The following MRAP2 variants were observed in gnomAD, a reference collection of about 807,000 sequenced individuals.
The protein encoded by MRAP2 is melanocortin 2 receptor accessory protein 2, also known as melanocortin-2 receptor accessory protein 2.
Under a neutral mutation model 17.4 loss-of-function variants are expected in MRAP2, and 20 were observed. The observed-to-expected ratio is 1.15, with a 90% CI of 0.81 to 1.67. The LOEUF is 1.67. Ranked by LOEUF, MRAP2 falls within the 40% of genes most tolerant of loss-of-function variation. The pLI is 0.00. For synonymous variants in MRAP2, 96 were observed against 88.4 expected, an observed-to-expected ratio of 1.09 and a Z score of -0.48; for missense variants, 238 against 240.0, an observed-to-expected ratio of 0.99 and a Z score of 0.05.
intron 3 of MRAP2, among the ~76,000 whole-genome samples, chr6:84,068,576 A>T (rs1283265870): frequency 6.6e-6 from 1 of 151,700 alleles, no homozygotes; most frequent in Non-Finnish European, 1.5e-5. Flanking sequence ...AGTGTTTTGT[A>T]GTTTTCCTTG....
intron 3 of MRAP2, among the ~76,000 whole-genome samples, chr6:84,073,147 G>T (rs1384545566): frequency 2.0e-5 from 3 of 152,160 alleles, no homozygotes; most frequent in African/African-American, 7.2e-5. Context: ...CCTTCTCCCT[G>T]TGGTGTTTCT....
At chr6:84,094,331 A>G (rs73750506), downstream of MRAP2, among the ~76,000 whole-genome samples, 26,366 of 152,104 alleles carry the variant, frequency 0.17, 2,346 homozygotes, top group Middle Eastern at 0.27. Flanking sequence ...TTTTTGCAAT[A>G]TAATTGGCTG....
At chr6:84,111,216 T>C in the MRAP2 span, among the ~76,000 whole-genome samples, 1 of 152,204 alleles carries the variant, frequency 6.6e-6, no homozygotes, top group African/African-American at 2.4e-5. Flanking sequence ...TTTAATGACA[T>C]TGATTTCTTC....
intron 1 of MRAP2, among the ~76,000 whole-genome samples, chr6:84,045,850 T>C (rs1326691646): frequency 6.6e-6 from 1 of 152,138 alleles, no homozygotes; most frequent in Non-Finnish European, 1.5e-5. Context: ...TACACACCCA[T>C]AATACAAATA....
chr6:84,063,412 G>A, intron 3 of MRAP2: 1 of 985,232 alleles, frequency 1.0e-6, no homozygotes, highest in Non-Finnish European at 1.2e-6. Flanking sequence ...CAGAGTAATA[G>A]TTGTTCCTGG....
chr6:84,089,346 C>T lies in MRAP2; in HGVS notation c.483C>T (p.Leu161=). Residue 161 remains leucine, a synonymous_variant, in exon 4 of 4, where the codon CTC becomes CTT. Transcript: ENST00000257776. ...AGCCAGAGGAGGAGCTGAACAGGCTCATGAAGTTTGACATCCCCAACTTTG... is the reference window on the plus strand; with the variant it reads ...AGCCAGAGGAGGAGCTGAACAGGCTTATGAAGTTTGACATCCCCAACTTTG... The part of the protein sequence containing the change: ...SGQPEEELNR[L]MKFDIPNFVN... The T allele has an allele frequency of 6.2e-7, 1 of 1,614,196 alleles. No homozygotes were observed. The highest frequency in any genetic ancestry group is 8.5e-7 in the Non-Finnish European group (1 of 1,180,034).
the MRAP2 span, among the ~76,000 whole-genome samples, chr6:84,144,502 T>G: frequency 6.6e-6 from 1 of 152,258 alleles, no homozygotes; most frequent in South Asian, 2.1e-4. Context: ...TTAATTGTTT[T>G]ACTGTTACTT....
upstream of MRAP2, chr6:84,033,678 C>G (rs1329045871): frequency 2.0e-6 from 2 of 984,562 alleles, no homozygotes; most frequent in African/African-American, 3.5e-5. Context: ...GCTGGGGAGG[C>G]GGCTCCCGCG....
At chr6:84,122,530 T>C in the MRAP2 span, among the ~76,000 whole-genome samples, 1 of 152,042 alleles carries the variant, frequency 6.6e-6, no homozygotes, top group East Asian at 1.9e-4. Flanking sequence ...AAATCTAATA[T>C]CCCTTCATGA....
intron 2 of MRAP2, among the ~76,000 whole-genome samples, chr6:84,058,795 G>GC (rs1351307019): frequency 2.0e-5 from 3 of 152,188 alleles, no homozygotes; most frequent in Admixed American, 6.5e-5. Flanking sequence ...CTGAAAAAAG[G>GC]GTTGCAAAGA....
rs202003000 is a variant in MRAP2 at position 84,085,746 on chromosome 6, A to G, written c.228-3345A>G. On this transcript the variant is annotated intron_variant, in intron 3 of 3. Transcript: ENST00000257776. ...AACTCACCAGAAAAGACATGTCTCCAAGACAGATTGTAAATGTTGTAGAAA... is the reference window on the plus strand; with the variant it reads ...AACTCACCAGAAAAGACATGTCTCCGAGACAGATTGTAAATGTTGTAGAAA... 1.5e-4 allele frequency among the ~76,000 whole-genome samples: 23 copies of G among 152,360 alleles called. No individual in the cohort carries two copies. The East Asian group carries it at 3.9e-3, about 26-fold the overall frequency.
At chr6:84,097,573 C>A in the MRAP2 span, among the ~76,000 whole-genome samples, 3 of 152,132 alleles carry the variant, frequency 2.0e-5, no homozygotes, top group African/African-American at 7.2e-5. Flanking sequence ...TAGTATATTT[C>A]TCTGGTGAAA....
chr6:84,069,411 G>A (rs2099495622), intron 3 of MRAP2, among the ~76,000 whole-genome samples: 1 of 152,106 alleles, frequency 6.6e-6, no homozygotes, highest in South Asian at 2.1e-4. Context: ...ACTTGCATAT[G>A]TTAAACCATC....
chr6:84,037,766 A>G (rs1183360146), intron 1 of MRAP2, among the ~76,000 whole-genome samples: 1 of 151,972 alleles, frequency 6.6e-6, no homozygotes, highest in Non-Finnish European at 1.5e-5. Flanking sequence ...GGGCCCACTG[A>G]GTCTGCGCCC....
Position 84,034,285 on chromosome 6 carries a change from T to A in MRAP2, c.-8+402T>A, listed in dbSNP as rs567672296. ...TCCTGCCGCCTTGGTGCCCTGCAAC[T>A]GAGAGAGCCCCCCTGGGCTGGGGAA... On this transcript the variant is annotated intron_variant, in intron 1 of 3. Coordinates refer to ENST00000257776, the MANE Select transcript of MRAP2 (RefSeq NM_138409.4). 5.0e-3 allele frequency among the ~76,000 whole-genome samples: 763 copies of A among 152,136 alleles called. 6 individuals are homozygous for A. Among genetic ancestry groups the A allele is most frequent in the Middle Eastern group, 0.014 (4 of 294 alleles).
chr6:84,142,429 CA>C, the MRAP2 span, among the ~76,000 whole-genome samples: 2 of 152,076 alleles, frequency 1.3e-5, no homozygotes, highest in African/African-American at 2.4e-5. Context: ...TATACGTATA[CA>C]TTTTTTTTCT....
intron 1 of MRAP2, among the ~76,000 whole-genome samples, chr6:84,054,393 G>A (rs1174697895): frequency 6.6e-6 from 1 of 152,086 alleles, no homozygotes; most frequent in Non-Finnish European, 1.5e-5. Context: ...AGGATTTTTT[G>A]GTCTAAAATA....
Position 84,062,972 on chromosome 6 carries a change from G to C in MRAP2, c.207G>C (p.Lys69Asn). The C allele has an allele frequency of 6.2e-7, 1 of 1,614,150 alleles. No individual in the cohort carries two copies. The highest frequency in any genetic ancestry group is 8.5e-7 in the Non-Finnish European group (1 of 1,180,022). ...TTTTTGTGCTGACCTTGCTGACCAA[G>C]ACAGGAGCCCCACACCAAGAGTAAG... ...FMFFVLTLLT[K>N]TGAPHQDNAE... The change falls in exon 3 of 4, where the codon AAG becomes AAC. Residue 69 changes from lysine to asparagine, a missense_variant. Coordinates refer to ENST00000257776, the MANE Select transcript of MRAP2 (RefSeq NM_138409.4).
At chr6:84,040,950 C>T (rs561137238) in intron 1 of MRAP2, among the ~76,000 whole-genome samples, 2 of 152,286 alleles carry the variant, frequency 1.3e-5, no homozygotes, top group South Asian at 2.1e-4. Context: ...ATGTTGATTG[C>T]CAAGACAAAG....
Sources: allele counts gnomAD v4.1 joint callset (sites outside exome capture counted in the v4.1 genomes callset), GRCh38; gene constraint gnomAD v4.1.1; transcripts MANE v1.5; gene names NCBI Gene and HGNC (gene_info 2026-07-23, HGNC 2026-07-21).